Variants in PHF2 observed in about 807,000 individuals in gnomAD.
PHF2 encodes the protein PHD finger protein 2, also known as lysine-specific demethylase PHF2.
PHF2 carries 27 observed loss-of-function variants against 120.5 expected under a neutral mutation model. That is an observed-to-expected ratio of 0.22 (90% confidence interval 0.17 to 0.31). The LOEUF is 0.31. Among genes scored for constraint, PHF2 ranks in the 10% least tolerant of loss-of-function variants. The pLI, the probability that PHF2 is intolerant of heterozygous loss-of-function variation, is 1.00. For missense variants in PHF2, 1,024 were observed against 1,434.8 expected (o/e 0.71, Z 4.63); for synonymous variants, 568 against 592.5 (o/e 0.96, Z 0.60).
intron 1 of PHF2, among the ~76,000 whole-genome samples, chr9:93,583,954 G>C (rs1862982978): frequency 6.6e-6 from 1 of 151,120 alleles, no homozygotes; most frequent in Non-Finnish European, 1.5e-5. Flanking sequence ...TCAGCCTCCT[G>C]AGTAGCTGGG....
intron 4 of PHF2, among the ~76,000 whole-genome samples, chr9:93,648,029 G>C (rs556261945): frequency 6.6e-6 from 1 of 152,246 alleles, no homozygotes; most frequent in East Asian, 1.9e-4. Context: ...TTGGTGGCAC[G>C]TAAGACCCAG....
At chr9:93,631,887 T>C (rs987186912) in intron 2 of PHF2, among the ~76,000 whole-genome samples, 1 of 151,812 alleles carries the variant, frequency 6.6e-6, no homozygotes, top group Non-Finnish European at 1.5e-5. Flanking sequence ...TTCAGACTGG[T>C]AGAAAAGAAA....
At chr9:93,645,498 T>G (rs999041464) in intron 3 of PHF2, 131 bp from the exon 4 acceptor site, 3 of 922,374 alleles carry the variant, frequency 3.3e-6, no homozygotes, top group Non-Finnish European at 4.7e-6. Context: ...CGGCCAGGCC[T>G]CCTCCTGTGG....
chr9:93,677,134 A>T lies in PHF2; in HGVS notation c.3202+171A>T, dbSNP rs887435822. 1.4e-5 allele frequency among the ~76,000 whole-genome samples: 2 copies of T among 146,656 alleles called. No homozygotes were observed. Among genetic ancestry groups the T allele is most frequent in the Non-Finnish European group, 3.0e-5 (2 of 66,762 alleles). The stretch of plus-strand genomic sequence containing the variant: ...GTTGGTTGCATCTTTGTGTGAGCGT[A>T]TCCCACAGTACAGGACGTGTGCTTT... On this transcript the variant is annotated intron_variant, in intron 21 of 21. Coordinates refer to ENST00000359246, the MANE Select transcript of PHF2 (RefSeq NM_005392.4). The surrounding 1 kb of genome is among the most constrained non-coding windows in gnomAD (Gnocchi z 4.4).
At chr9:93,621,621 G>C (rs1333071156) in intron 1 of PHF2, among the ~76,000 whole-genome samples, 7 of 152,198 alleles carry the variant, frequency 4.6e-5, no homozygotes, top group African/African-American at 1.7e-4. Flanking sequence ...TGGAGGGCGG[G>C]GCCAGGTGTG....
chr9:93,577,897 G>A (rs1251951002), intron 1 of PHF2, among the ~76,000 whole-genome samples: 2 of 152,228 alleles, frequency 1.3e-5, no homozygotes, highest in Non-Finnish European at 2.9e-5. Context: ...GACTTTGCCT[G>A]TGGGATGTGT....
In PHF2 at chr9:93,636,290, A is replaced by C. The variant is rs771008021; in HGVS notation, c.185-121A>C. On this transcript the variant is annotated intron_variant, in intron 2 of 21. Transcript: ENST00000359246. ...GTGTCATCAGTCTTGAGAGGTGAGC[A>C]TGAGCCCAGCAATGCTGGGAGTTGT... 1.7e-5 allele frequency: 12 copies of C among 712,266 alleles called. No homozygotes were observed. In the Admixed American group the frequency reaches 1.9e-4, roughly 11 times the overall value. 44.1% of individuals were successfully genotyped at this position (712,266 alleles called of 1,614,324 possible). A position where few individuals can be genotyped will look rare whatever the true frequency, so the allele number is the denominator to read the frequency against.
rs1826974152 is a variant in PHF2, at chr9:93,679,061, TAC to T, written c.*1387_*1388del. 4 of 350,532 alleles carry T rather than the reference TAC, an allele frequency of 1.1e-5. No homozygotes were observed. Among genetic ancestry groups the T allele is most frequent in the South Asian group, 4.3e-5 (2 of 46,456 alleles). 21.7% of individuals were successfully genotyped at this position (350,532 alleles called of 1,614,324 possible). A position where few individuals can be genotyped will look rare whatever the true frequency, so the allele number is the denominator to read the frequency against. ...CTTGTATGATGAGGGGATTGGGGGATACAGTTATTTTACTAGCACCTTGTGAA... is the reference window on the plus strand; with the variant it reads ...CTTGTATGATGAGGGGATTGGGGGATAGTTATTTTACTAGCACCTTGTGAA... On this transcript the variant is annotated 3_prime_UTR_variant, in exon 22 of 22. Coordinates refer to ENST00000359246, the MANE Select transcript of PHF2 (RefSeq NM_005392.4).
chr9:93,675,697 G>A lies in PHF2; in HGVS notation c.2740G>A (p.Val914Met), dbSNP rs374623814. Residue 914 changes from valine (V) to methionine (M), a missense_variant, in exon 20 of 22, where the codon GTG becomes ATG. This residue lies in a region of PHF2 where 677 missense variants were observed against 857.4 expected (regional missense o/e 0.79). Transcript: ENST00000359246. ...YSPTARVGPS[V>M]PRQDRPVREG... is the part of the protein sequence containing the mutation. ...TTCCACAGCAAGGGTCGGCCCATCG[G>A]TGCCAAGACAGGACAGGCCTGTGCG... 92 of 1,612,656 alleles carry A rather than the reference G, an allele frequency of 5.7e-5. No homozygotes were observed. Among genetic ancestry groups the A allele is most frequent in the African/African-American group, 2.4e-4 (18 of 74,902 alleles).
chr9:93,660,917 T>A (rs1450509753), intron 12 of PHF2, among the ~76,000 whole-genome samples: 1 of 152,064 alleles, frequency 6.6e-6, no homozygotes, highest in Non-Finnish European at 1.5e-5. Flanking sequence ...GGAGGAGGCA[T>A]GGTGGTTTTC....
At chr9:93,606,688 A>T (rs944254218) in intron 1 of PHF2, among the ~76,000 whole-genome samples, 2 of 152,112 alleles carry the variant, frequency 1.3e-5, no homozygotes, top group African/African-American at 4.8e-5. Flanking sequence ...TGCACAGCAG[A>T]AGTTTTTAAT....
intron 5 of PHF2, among the ~76,000 whole-genome samples, chr9:93,649,873 C>G (rs978406246): frequency 6.6e-6 from 1 of 152,012 alleles, no homozygotes; most frequent in Admixed American, 6.6e-5. Context: ...CATGGACACA[C>G]TTGTCAACAC....
chr9:93,619,501 C>T (rs140943216), intron 1 of PHF2, among the ~76,000 whole-genome samples: 4 of 152,234 alleles, frequency 2.6e-5, no homozygotes, highest in Non-Finnish European at 2.9e-5. Context: ...GTGGTGGATG[C>T]GGGCCTTCAC....
chr9:93,601,947 G>C (rs1342659037), intron 1 of PHF2, among the ~76,000 whole-genome samples: 1 of 151,872 alleles, frequency 6.6e-6, no homozygotes, highest in Non-Finnish European at 1.5e-5. Context: ...TGGTAGGGTG[G>C]GGTGGGGGTG....
At chr9:93,657,536 G>A (rs1826482439) in intron 9 of PHF2, among the ~76,000 whole-genome samples, 1 of 152,200 alleles carries the variant, frequency 6.6e-6, no homozygotes, top group Admixed American at 6.5e-5. Flanking sequence ...AGGCCACTGT[G>A]GCCATATCCT....
rs373867305 is a variant in PHF2 at position 93,656,049 on chromosome 9, G to A, written c.1040+28G>A. On this transcript the variant is annotated intron_variant, in intron 8 of 21. Coordinates refer to ENST00000359246, the MANE Select transcript of PHF2 (RefSeq NM_005392.4). The surrounding 1 kb of genome is among the most constrained non-coding windows in gnomAD (Gnocchi z 4.1). ...AGTGCCTGCCGCGCTGTCTGCCCTCGGGCTCCGCAGAGCAGCGTCCTCCCT... is the reference window on the plus strand; with the variant it reads ...AGTGCCTGCCGCGCTGTCTGCCCTCAGGCTCCGCAGAGCAGCGTCCTCCCT... 95 of 1,583,800 alleles carry A rather than the reference G, an allele frequency of 6.0e-5. No homozygotes were observed. Among genetic ancestry groups the A allele is most frequent in the African/African-American group, 9.4e-5 (7 of 74,282 alleles).
chr9:93,603,786 T>C (rs115288189), intron 1 of PHF2, among the ~76,000 whole-genome samples: 2,900 of 152,300 alleles, frequency 0.019, 93 homozygotes, highest in African/African-American at 0.065. Flanking sequence ...CATTCATCTG[T>C]CAGGACCAGC....
chr9:93,589,885 T>A (rs979212893), intron 1 of PHF2, among the ~76,000 whole-genome samples: 5 of 152,168 alleles, frequency 3.3e-5, no homozygotes, highest in Non-Finnish European at 7.3e-5. Context: ...AATGTGATTC[T>A]GCAGTGACCC....
At chr9:93,598,395 AG>A (rs1825372504) in intron 1 of PHF2, among the ~76,000 whole-genome samples, 1 of 152,178 alleles carries the variant, frequency 6.6e-6, no homozygotes, top group Admixed American at 6.5e-5. Context: ...GGCAGTCCAG[AG>A]GGACATTGGG....
Sources: allele counts gnomAD v4.1 joint callset (sites outside exome capture counted in the v4.1 genomes callset), GRCh38; gene constraint gnomAD v4.1.1; regional missense constraint gnomAD v4.1.1; non-coding constraint Gnocchi (gnomAD v3.1); transcripts MANE v1.5; gene names NCBI Gene and HGNC (gene_info 2026-07-23, HGNC 2026-07-21).